TAFA4: variants seen among roughly 807,000 people sequenced by gnomAD.
TAFA4 encodes the protein chemokine-like protein TAFA-4.
Under a neutral mutation model 21.1 loss-of-function variants are expected in TAFA4, and 20 were observed. The ratio of observed to expected loss-of-function variants is 0.95; its 90% confidence interval spans 0.67 to 1.38. The LOEUF is 1.38. Among genes scored for constraint, TAFA4 ranks in the 40% most tolerant of loss-of-function variants. The pLI, the probability that TAFA4 is intolerant of heterozygous loss-of-function variation, is 0.00. For missense variants in TAFA4, 211 were observed against 180.9 expected (o/e 1.17, Z -0.95); for synonymous variants, 71 against 67.4 (o/e 1.05, Z -0.26).
At chr3:68,752,507 G>C (rs946506035) in intron 4 of TAFA4, among the ~76,000 whole-genome samples, 3 of 152,198 alleles carry the variant, frequency 2.0e-5, no homozygotes, top group African/African-American at 7.2e-5. Context: ...CATGAAGTGA[G>C]AAAGTCATGC....
intron 3 of TAFA4, among the ~76,000 whole-genome samples, chr3:68,832,294 G>C (rs1380372381): frequency 6.6e-6 from 1 of 152,122 alleles, no homozygotes; most frequent in African/African-American, 2.4e-5. Flanking sequence ...TCTCTGCTCT[G>C]GTTTCTCCCC....
rs1042335913 is a variant in TAFA4 at position 68,780,890 on chromosome 3, T to C, written c.131-27872A>G. Among the ~76,000 whole-genome samples the C allele has an allele frequency of 5.0e-5, 6 of 119,080 alleles. No homozygotes were observed. The South Asian group carries it at 1.4e-3, about 28-fold the overall frequency. The allele number at this position is 119,080 out of a possible 152,430, so 78.1% of individuals were successfully genotyped here. A position where few individuals can be genotyped will look rare whatever the true frequency, so the allele number is the denominator to read the frequency against. ...GAATATTCATCAAGTCAGATCATATTCTAGGACATAAAAAAAAAAAAACCT... is the reference window on the plus strand; with the variant it reads ...GAATATTCATCAAGTCAGATCATATCCTAGGACATAAAAAAAAAAAAACCT... On this transcript the variant is annotated intron_variant, in intron 3 of 5. Transcript: ENST00000295569.
chr3:68,891,100 A>G (rs1352760012), intron 1 of TAFA4, among the ~76,000 whole-genome samples: 1 of 152,200 alleles, frequency 6.6e-6, no homozygotes, highest in African/African-American at 2.4e-5. Flanking sequence ...AAACAGCTGC[A>G]CTTCTGAATA....
intron 3 of TAFA4, among the ~76,000 whole-genome samples, chr3:68,759,972 C>CTCTT (rs1275719869): frequency 2.6e-5 from 4 of 152,106 alleles, no homozygotes; most frequent in Non-Finnish European, 4.4e-5. Flanking sequence ...GTTCTTGGTG[C>CTCTT]TCTTTGAGAC....
At chr3:68,804,953 A>G (rs373873800) in intron 3 of TAFA4, among the ~76,000 whole-genome samples, 6 of 152,180 alleles carry the variant, frequency 3.9e-5, no homozygotes, top group East Asian at 3.9e-4. Flanking sequence ...ATTGACAAAT[A>G]GGATCTAATT....
At chr3:68,746,777 T>C (rs1702466412) in intron 4 of TAFA4, among the ~76,000 whole-genome samples, 1 of 152,218 alleles carries the variant, frequency 6.6e-6, no homozygotes, top group Non-Finnish European at 1.5e-5. Flanking sequence ...ACTGATCTTT[T>C]GGAATCTACG....
At chr3:68,786,341 T>A (rs998368723) in intron 3 of TAFA4, among the ~76,000 whole-genome samples, 25 of 152,256 alleles carry the variant, frequency 1.6e-4, no homozygotes, top group African/African-American at 6.0e-4. Flanking sequence ...TGGCATGTGC[T>A]TACAGTACCA....
At chr3:68,892,034 A>G (rs991511801) in intron 1 of TAFA4, among the ~76,000 whole-genome samples, 1 of 152,194 alleles carries the variant, frequency 6.6e-6, no homozygotes, top group African/African-American at 2.4e-5. Flanking sequence ...ATGAAAGTAA[A>G]TGTGCTTAAC....
chr3:68,875,720 G>C (rs139558056), intron 3 of TAFA4, among the ~76,000 whole-genome samples: 174 of 152,106 alleles, frequency 1.1e-3, no homozygotes, highest in African/African-American at 4.1e-3. Context: ...AAGACTTAAT[G>C]GTTGATATCA....
At chr3:68,816,906 G>T (rs1323645181) in intron 3 of TAFA4, among the ~76,000 whole-genome samples, 2 of 152,294 alleles carry the variant, frequency 1.3e-5, no homozygotes, top group Non-Finnish European at 2.9e-5. Flanking sequence ...CCTTCAATAT[G>T]TCATAATCTT....
chr3:68,781,973 C>A (rs1475772758), intron 3 of TAFA4, among the ~76,000 whole-genome samples: 1 of 152,054 alleles, frequency 6.6e-6, no homozygotes, highest in Non-Finnish European at 1.5e-5. Context: ...CACCAAAACA[C>A]AAGCAAAGAA....
chr3:68,837,240 G>T (rs1443140093), intron 3 of TAFA4, among the ~76,000 whole-genome samples: 1 of 152,162 alleles, frequency 6.6e-6, no homozygotes, highest in Non-Finnish European at 1.5e-5. Flanking sequence ...CCAAGAACAG[G>T]CATCATCAGC....
intron 3 of TAFA4, among the ~76,000 whole-genome samples, chr3:68,777,455 G>C (rs970545126): frequency 6.6e-6 from 1 of 152,016 alleles, no homozygotes. Flanking sequence ...ATTACCTAAG[G>C]ATATGAAATT....
chr3:68,896,936 G>A (rs1350170330), intron 1 of TAFA4, among the ~76,000 whole-genome samples: 6 of 152,218 alleles, frequency 3.9e-5, no homozygotes, highest in Non-Finnish European at 8.8e-5. Flanking sequence ...CGAAGTCTCA[G>A]TCTGTCACCC....
At chr3:68,813,934 C>A (rs1434181717) in intron 3 of TAFA4, among the ~76,000 whole-genome samples, 1 of 152,062 alleles carries the variant, frequency 6.6e-6, no homozygotes, top group Non-Finnish European at 1.5e-5. Context: ...ACTGGCAAAC[C>A]GAATCCAGCA....
intron 1 of TAFA4, among the ~76,000 whole-genome samples, chr3:68,923,272 A>C (rs564798400): frequency 8.5e-5 from 13 of 152,296 alleles, no homozygotes; most frequent in Non-Finnish European, 7.3e-5. Flanking sequence ...GGGTGCTTAA[A>C]AAGGACTGAG....
intron 3 of TAFA4, among the ~76,000 whole-genome samples, chr3:68,785,405 C>A (rs1483684306): frequency 1.3e-5 from 2 of 152,220 alleles, no homozygotes; most frequent in African/African-American, 4.8e-5. Context: ...CAGGAGCCCA[C>A]AGAGGAGCAG....
At chr3:68,897,135 C>G (rs1168918782) in intron 1 of TAFA4, among the ~76,000 whole-genome samples, 2 of 151,838 alleles carry the variant, frequency 1.3e-5, no homozygotes, top group Non-Finnish European at 1.5e-5. Context: ...CTCATGACCT[C>G]AAGTGATCCG....
At chr3:68,734,673 G>A (rs1022095177) in intron 5 of TAFA4, among the ~76,000 whole-genome samples, 1 of 152,068 alleles carries the variant, frequency 6.6e-6, no homozygotes, top group Admixed American at 6.6e-5. Context: ...GTTCTGTGAT[G>A]GGGTAGAGAT....
Sources: allele counts gnomAD v4.1 joint callset (sites outside exome capture counted in the v4.1 genomes callset), GRCh38; gene constraint gnomAD v4.1.1; transcripts MANE v1.5; gene names NCBI Gene and HGNC (gene_info 2026-07-23, HGNC 2026-07-21).